The following SLC44A5 variants were observed in gnomAD, a reference collection of about 807,000 sequenced individuals.
The protein encoded by SLC44A5 is solute carrier family 44 member 5.
SLC44A5 carries 57 observed loss-of-function variants against 101.8 expected under a neutral mutation model. The ratio of observed to expected loss-of-function variants is 0.56; its 90% CI spans 0.45 to 0.70. The LOEUF (loss-of-function observed/expected upper bound fraction) is 0.70. Among genes scored for constraint, SLC44A5 ranks in the 30% least tolerant of loss-of-function variants. SLC44A5 has a pLI of 0.00. For synonymous variants in SLC44A5, 281 were observed against 290.9 expected (o/e 0.97, Z 0.35); for missense variants, 737 against 853.1 (o/e 0.86, Z 1.70).
chr1:75,235,838 T>C (rs571753226), intron 11 of SLC44A5, among the ~76,000 whole-genome samples: 1 of 152,146 alleles, frequency 6.6e-6, no homozygotes, highest in Admixed American at 6.6e-5. Context: ...GAGTTAGACA[T>C]AGTTACTATT....
chr1:75,556,092 G>A (rs1672199146), intron 1 of SLC44A5, among the ~76,000 whole-genome samples: 1 of 151,960 alleles, frequency 6.6e-6, no homozygotes, highest in Non-Finnish European at 1.5e-5. Context: ...TGGAAAGGAA[G>A]GATTACAAAG....
chr1:75,482,741 CAAAT>C (rs1338366843), intron 2 of SLC44A5, among the ~76,000 whole-genome samples: 3 of 152,064 alleles, frequency 2.0e-5, no homozygotes, highest in African/African-American at 7.2e-5. Flanking sequence ...GATCATAAAA[CAAAT>C]AAATAGCAAA....
intron 1 of SLC44A5, among the ~76,000 whole-genome samples, chr1:75,587,882 T>A (rs1171352141): frequency 6.6e-6 from 1 of 152,154 alleles, no homozygotes; most frequent in East Asian, 1.9e-4. Flanking sequence ...TTTTACTGCG[T>A]CTGGCACTCG....
chr1:75,641,567 T>G, the SLC44A5 span: 2 of 1,510,052 alleles, frequency 1.3e-6, no homozygotes, highest in Non-Finnish European at 1.8e-6. Context: ...CTCATTTACT[T>G]CTACATGATC....
chr1:75,470,484 C>T (rs1038713335), intron 2 of SLC44A5, among the ~76,000 whole-genome samples: 10 of 152,134 alleles, frequency 6.6e-5, no homozygotes, highest in Non-Finnish European at 1.3e-4. Flanking sequence ...GTGAGGACTA[C>T]TACAGCCAAG....
At chr1:75,304,345 T>G (rs1654751955) in intron 4 of SLC44A5, among the ~76,000 whole-genome samples, 1 of 152,024 alleles carries the variant, frequency 6.6e-6, no homozygotes, top group Non-Finnish European at 1.5e-5. Context: ...TAATTATAAT[T>G]ACCTGCTATT....
At chr1:75,237,584 C>G (rs576405638) in intron 10 of SLC44A5, among the ~76,000 whole-genome samples, 310 of 152,140 alleles carry the variant, frequency 2.0e-3, no homozygotes, top group Non-Finnish European at 3.5e-3. Context: ...AATTGCAACA[C>G]CTCTCCCTTC....
intron 3 of SLC44A5, among the ~76,000 whole-genome samples, chr1:75,351,868 A>AAAAG (rs1553165361): frequency 6.8e-5 from 4 of 58,522 alleles, no homozygotes; most frequent in African/African-American, 1.8e-4. Context: ...AAAAAAAAAA[A>AAAAG]AGAGAGAGAG....
intron 2 of SLC44A5, among the ~76,000 whole-genome samples, chr1:75,400,908 T>C (rs1303313388): frequency 6.6e-6 from 1 of 152,196 alleles, no homozygotes; most frequent in East Asian, 1.9e-4. Context: ...GCTTGCCAAA[T>C]TGGATTCTTT....
chr1:75,634,495 C>T, the SLC44A5 span, among the ~76,000 whole-genome samples: 9 of 151,130 alleles, frequency 6.0e-5, no homozygotes, highest in Admixed American at 6.0e-4. Context: ...ACAGAGCCCT[C>T]AGAAATAACG....
the SLC44A5 span, among the ~76,000 whole-genome samples, chr1:75,679,341 A>G: frequency 1.3e-5 from 2 of 152,170 alleles, no homozygotes; most frequent in South Asian, 2.1e-4. Context: ...TGAAGGAAAA[A>G]ATGTTAAGGG....
intron 7 of SLC44A5, among the ~76,000 whole-genome samples, chr1:75,244,683 C>A (rs1228702603): frequency 6.6e-6 from 1 of 152,008 alleles, no homozygotes; most frequent in Non-Finnish European, 1.5e-5. Context: ...CCTATCAGTG[C>A]CAAGCCAGAT....
At chr1:75,254,165 A>C (rs1649818214) in intron 6 of SLC44A5, among the ~76,000 whole-genome samples, 1 of 151,696 alleles carries the variant, frequency 6.6e-6, no homozygotes, top group Non-Finnish European at 1.5e-5. Context: ...CGGCCTTCTG[A>C]GTAGATGGGA....
At chr1:75,469,587 T>G (rs1170203428) in intron 2 of SLC44A5, among the ~76,000 whole-genome samples, 2 of 152,138 alleles carry the variant, frequency 1.3e-5, no homozygotes, top group Non-Finnish European at 2.9e-5. Flanking sequence ...AATAAAAATA[T>G]TATGCCATTG....
intron 5 of SLC44A5, among the ~76,000 whole-genome samples, chr1:75,277,145 A>G (rs1260375759): frequency 6.6e-6 from 1 of 152,198 alleles, no homozygotes; most frequent in African/African-American, 2.4e-5. Flanking sequence ...TAAGGTTTGT[A>G]GAAGGTTTAG....
At chr1:75,239,798 C>T (rs1401468949) in intron 9 of SLC44A5, among the ~76,000 whole-genome samples, 1 of 152,056 alleles carries the variant, frequency 6.6e-6, no homozygotes, top group East Asian at 1.9e-4. Context: ...CCTGCTTAAA[C>T]CCATTACCTA....
At chr1:75,584,049 T>C (rs6593579) in intron 1 of SLC44A5, among the ~76,000 whole-genome samples, 7,309 of 152,306 alleles carry the variant, frequency 0.048, 591 homozygotes, top group African/African-American at 0.17. Flanking sequence ...CATGTTCTTA[T>C]AGATTCAAAG....
At chr1:75,665,921 C>T in the SLC44A5 span, among the ~76,000 whole-genome samples, 1 of 152,028 alleles carries the variant, frequency 6.6e-6, no homozygotes, top group Non-Finnish European at 1.5e-5. Context: ...CAATGAGATA[C>T]CATCTCATAC....
At chr1:75,324,784 G>C (rs1656447348) in intron 4 of SLC44A5, among the ~76,000 whole-genome samples, 1 of 152,036 alleles carries the variant, frequency 6.6e-6, no homozygotes, top group South Asian at 2.1e-4. Context: ...GGTGACATTT[G>C]TTTTATTTTT....
Sources: allele counts gnomAD v4.1 joint callset (sites outside exome capture counted in the v4.1 genomes callset), GRCh38; gene constraint gnomAD v4.1.1; transcripts MANE v1.5; gene names NCBI Gene and HGNC (gene_info 2026-07-23, HGNC 2026-07-21).